The following TENM2 variants were observed in gnomAD, a reference collection of about 807,000 sequenced individuals.
The protein encoded by TENM2 is teneurin transmembrane protein 2, also known as teneurin-2.
In TENM2, 52 loss-of-function variants were observed where a neutral mutation model predicts 245.2. That is an observed-to-expected ratio of 0.21 (90% confidence interval 0.17 to 0.27). The LOEUF (loss-of-function observed/expected upper bound fraction) is 0.27, where lower values mean the gene tolerates loss of function less well. Ranked by LOEUF, TENM2 falls within the 10% of genes least tolerant of loss-of-function variation. TENM2 has a pLI of 1.00. For synonymous variants in TENM2, 1,363 were observed against 1,438.9 expected (o/e 0.95, Z 1.19); for missense variants, 3,046 against 3,666.8 (o/e 0.83, Z 4.37).
At chr5:168,140,555 T>C (rs1755452840) in intron 12 of TENM2, among the ~76,000 whole-genome samples, 1 of 152,226 alleles carries the variant, frequency 6.6e-6, no homozygotes, top group African/African-American at 2.4e-5. Context: ...CATGCGTGTG[T>C]GTGCGCCCAC....
At chr5:167,776,647 A>C (rs55836120) in intron 2 of TENM2, among the ~76,000 whole-genome samples, 1 of 574 alleles carries the variant, frequency 1.7e-3, no homozygotes, top group African/African-American at 4.7e-3. Flanking sequence ...GTATCTATAT[A>C]TATATATATA....
intron 12 of TENM2, among the ~76,000 whole-genome samples, chr5:168,132,872 G>A (rs1020291103): frequency 2.6e-5 from 4 of 152,194 alleles, no homozygotes; most frequent in African/African-American, 2.4e-5. Flanking sequence ...TCCATCAAAG[G>A]AGAAGGGAAA....
chr5:168,104,227 C>A (rs1278450078), intron 9 of TENM2, among the ~76,000 whole-genome samples: 1 of 152,116 alleles, frequency 6.6e-6, no homozygotes, highest in Non-Finnish European at 1.5e-5. Context: ...CGAGGTTTCA[C>A]CATGTCAGCC....
At chr5:168,154,164 A>AAAAAAAAAAAAAAAAAAAAAAAAC (rs1171979738) in intron 12 of TENM2, among the ~76,000 whole-genome samples, 1 of 150,658 alleles carries the variant, frequency 6.6e-6, no homozygotes, top group African/African-American at 2.5e-5. Context: ...AAAAAAAAAA[A>AAAAAAAAAAAAAAAAAAAAAAAAC]AACAGTAAGA....
At chr5:167,850,387 C>T (rs1359480332) in intron 2 of TENM2, among the ~76,000 whole-genome samples, 3 of 151,970 alleles carry the variant, frequency 2.0e-5, no homozygotes, top group African/African-American at 7.3e-5. Flanking sequence ...TCTAACAGGC[C>T]CTGTGAGGCT....
At chr5:167,090,253 A>T in the TENM2 span, among the ~76,000 whole-genome samples, 13 of 151,126 alleles carry the variant, frequency 8.6e-5, no homozygotes, top group African/African-American at 2.9e-4. Flanking sequence ...AAAAAAAAAG[A>T]TGGTAGTTGC....
At chr5:167,322,633 A>G (rs1946230) in intron 1 of TENM2, among the ~76,000 whole-genome samples, 149,218 of 152,188 alleles carry the variant, frequency 0.98, 73,157 homozygotes, top group East Asian at 1. Context: ...ATTCTTCCTT[A>G]AAGGTGAAAA....
chr5:167,463,444 C>A (rs758560464), intron 2 of TENM2, among the ~76,000 whole-genome samples: 20 of 152,020 alleles, frequency 1.3e-4, no homozygotes, highest in Non-Finnish European at 2.6e-4. Context: ...CAAGTTATGT[C>A]TTTTCAGCAA....
Position 167,590,903 on chromosome 5 carries a change from C to T in TENM2, c.502+215430C>T, listed in dbSNP as rs142659609. On this transcript the variant is annotated intron_variant, in intron 2 of 28. Coordinates refer to ENST00000518659, the Ensembl canonical transcript of TENM2. ...ATGTAAGAAATTTCTCCCACATCTA[C>T]TTTCTTCTCTTCTTGAGAAAACAAT... Among the ~76,000 whole-genome samples, 3 of 152,314 alleles carry T rather than the reference C, an allele frequency of 2.0e-5. No individual in the cohort carries two copies. The East Asian group carries it at 5.8e-4, about 29-fold the overall frequency.
At chr5:167,748,468 T>C (rs1281069530) in intron 2 of TENM2, among the ~76,000 whole-genome samples, 1 of 152,094 alleles carries the variant, frequency 6.6e-6, no homozygotes. Flanking sequence ...AGCCTCTACC[T>C]CCTTGGCTCA....
chr5:167,596,849 T>C (rs982632706), intron 2 of TENM2, among the ~76,000 whole-genome samples: 1 of 151,202 alleles, frequency 6.6e-6, no homozygotes. Flanking sequence ...AAGAGATAAC[T>C]CTTCTTCCAT....
chr5:168,080,646 G>C (rs1167078710), intron 7 of TENM2, among the ~76,000 whole-genome samples: 2 of 152,102 alleles, frequency 1.3e-5, no homozygotes, highest in South Asian at 4.1e-4. Context: ...GTTCTCGTTG[G>C]TTTCAAAGAA....
At chr5:167,593,034 T>C (rs1775979853) in intron 2 of TENM2, among the ~76,000 whole-genome samples, 1 of 152,236 alleles carries the variant, frequency 6.6e-6, no homozygotes, top group Admixed American at 6.5e-5. Context: ...TGCCTAATAT[T>C]TTCTCTTAGA....
intron 19 of TENM2, among the ~76,000 whole-genome samples, chr5:168,209,913 G>T (rs1762656857): frequency 6.6e-6 from 1 of 152,188 alleles, no homozygotes; most frequent in African/African-American, 2.4e-5. Context: ...AGCTCTGAGA[G>T]ACGGGCTGAG....
intron 2 of TENM2, among the ~76,000 whole-genome samples, chr5:167,553,321 A>T (rs547925890): frequency 1.3e-5 from 2 of 152,194 alleles, no homozygotes; most frequent in Admixed American, 1.3e-4. Flanking sequence ...GGAGGAGGGT[A>T]GTATAAATGG....
At chr5:167,406,963 A>G (rs76479976) in intron 2 of TENM2, among the ~76,000 whole-genome samples, 5,656 of 152,244 alleles carry the variant, frequency 0.037, 216 homozygotes, top group African/African-American at 0.098. Context: ...TAATAATTTA[A>G]TAGAAAATAA....
intron 2 of TENM2, among the ~76,000 whole-genome samples, chr5:167,869,880 C>A (rs1772668501): frequency 6.6e-6 from 1 of 152,180 alleles, no homozygotes; most frequent in South Asian, 2.1e-4. Context: ...AGAGCAATAT[C>A]CCAGGTATTG....
At chr5:167,130,914 A>T in the TENM2 span, among the ~76,000 whole-genome samples, 315 of 126,188 alleles carry the variant, frequency 2.5e-3, 4 homozygotes, top group African/African-American at 0.011. Context: ...TTTTTTTTTA[A>T]AAAAAAAAAA....
At chr5:167,107,526 G>A in the TENM2 span, among the ~76,000 whole-genome samples, 4 of 152,062 alleles carry the variant, frequency 2.6e-5, no homozygotes, top group Admixed American at 2.0e-4. Flanking sequence ...TAGATAAAAT[G>A]GCTTTACAAA....
Sources: gnomAD v4.1 joint callset for allele counts (sites outside exome capture counted in the v4.1 genomes callset) on GRCh38, gnomAD v4.1.1 for gene constraint, MANE v1.5 for transcripts, NCBI Gene and HGNC (gene_info 2026-07-23, HGNC 2026-07-21) for gene names.